Variants in TFEB observed in about 807,000 individuals in gnomAD.
TFEB encodes transcription factor EB, also known as T-cell transcription factor EB.
A neutral mutation model predicts 48.0 loss-of-function variants in TFEB; 12 were observed. The ratio of observed to expected loss-of-function variants is 0.25; its 90% CI spans 0.16 to 0.40. TFEB has a LOEUF of 0.40. Ranked by LOEUF, TFEB falls within the 10% of genes least tolerant of loss-of-function variation. The pLI, the probability that TFEB is intolerant of heterozygous loss-of-function variation, is 1.00. For synonymous variants in TFEB, 244 were observed against 261.4 expected, an observed-to-expected ratio of 0.93 and a Z score of 0.64; for missense variants, 509 against 640.3, an observed-to-expected ratio of 0.79 and a Z score of 2.21.
At chr6:41,728,239 C>T (rs1414421377) in intron 1 of TFEB, among the ~76,000 whole-genome samples, 4 of 152,230 alleles carry the variant, frequency 2.6e-5, no homozygotes, top group African/African-American at 9.7e-5. Context: ...TTGTTCCCAC[C>T]CGCCCTGCTT....
intron 1 of TFEB, among the ~76,000 whole-genome samples, chr6:41,713,075 A>G (rs1356165308): frequency 6.6e-6 from 1 of 151,998 alleles, no homozygotes; most frequent in African/African-American, 2.4e-5. Context: ...GGGGGCCAGG[A>G]GAAGGAGCAA....
chr6:41,695,126 C>A (rs1561854922), intron 1 of TFEB, among the ~76,000 whole-genome samples: 1 of 152,248 alleles, frequency 6.6e-6, no homozygotes, highest in Non-Finnish European at 1.5e-5. Context: ...GCTACTTCAC[C>A]TCTCTGTGCT....
intron 1 of TFEB, among the ~76,000 whole-genome samples, chr6:41,700,922 C>A (rs1326941357): frequency 6.6e-6 from 1 of 152,232 alleles, no homozygotes; most frequent in Non-Finnish European, 1.5e-5. Flanking sequence ...GGGAGTCGCC[C>A]TGTCCTGTCC....
At chr6:41,728,366 C>A (rs1012673918) in intron 1 of TFEB, among the ~76,000 whole-genome samples, 1 of 152,150 alleles carries the variant, frequency 6.6e-6, no homozygotes, top group African/African-American at 2.4e-5. Context: ...ATGGGGGCAG[C>A]GCCAGCTGCC....
intron 7 of TFEB, chr6:41,686,504 CTTTCT>C (rs1183043049): frequency 2.7e-4 from 71 of 267,170 alleles, no homozygotes; most frequent in African/African-American, 1.6e-3. Context: ...CCCAGCCTAC[CTTTCT>C]TTTTTTTTTT....
At chr6:41,707,494 G>A (rs1033876009) in intron 1 of TFEB, among the ~76,000 whole-genome samples, 1 of 152,148 alleles carries the variant, frequency 6.6e-6, no homozygotes, top group African/African-American at 2.4e-5. Flanking sequence ...CACGTCTCCA[G>A]GGGAAGCACA....
intron 1 of TFEB, among the ~76,000 whole-genome samples, chr6:41,714,316 C>G (rs534994135): frequency 6.6e-6 from 1 of 152,320 alleles, no homozygotes; most frequent in East Asian, 1.9e-4. Flanking sequence ...AACCAAAGGG[C>G]CTTCGGAACC....
rs916290291 is a variant in TFEB at position 41,684,290 on chromosome 6, A to T, written c.*309T>A. On this transcript the variant is annotated 3_prime_UTR_variant, in exon 9 of 9. Transcript: ENST00000373033. ...AGGGGCTCGGGCTCAGAAGACAGGG[A>T]ATCTCCACCAGGCCCTCTTCTCACC... The T allele has an allele frequency of 3.3e-6, 1 of 298,946 alleles. No individual in the cohort carries two copies. The highest frequency in any genetic ancestry group is 6.2e-6 in the Non-Finnish European group (1 of 162,222). The allele number at this position is 298,946 out of a possible 1,614,324, so 18.5% of individuals were successfully genotyped here.
At chr6:41,711,359 G>A (rs796650508) in intron 1 of TFEB, among the ~76,000 whole-genome samples, 7 of 152,308 alleles carry the variant, frequency 4.6e-5, no homozygotes, top group South Asian at 4.1e-4. Flanking sequence ...TGGGCTCAAC[G>A]TCCCCACCGC....
chr6:41,732,837 C>A, intron 1 of TFEB: 5 of 985,920 alleles, frequency 5.1e-6, no homozygotes, highest in Non-Finnish European at 6.0e-6. Context: ...GGAGGCCAAC[C>A]CAATTTCCAT....
chr6:41,717,961 C>T (rs767163258), intron 1 of TFEB, among the ~76,000 whole-genome samples: 11 of 152,116 alleles, frequency 7.2e-5, no homozygotes, highest in Non-Finnish European at 1.3e-4. Flanking sequence ...ATCATGACCA[C>T]ATATTGGAGA....
intron 1 of TFEB, among the ~76,000 whole-genome samples, chr6:41,700,109 G>T (rs536472616): frequency 1.3e-5 from 2 of 152,196 alleles, no homozygotes; most frequent in African/African-American, 2.4e-5. Context: ...AAATGGAACC[G>T]CTCTGCCAAG....
At chr6:41,698,662 G>A (rs1049982701) in intron 1 of TFEB, among the ~76,000 whole-genome samples, 1 of 152,198 alleles carries the variant, frequency 6.6e-6, no homozygotes, top group Non-Finnish European at 1.5e-5. Context: ...ACTCTCAGTC[G>A]TGGGGGAGCT....
intron 8 of TFEB, among the ~76,000 whole-genome samples, chr6:41,685,848 G>A (rs529992411): frequency 1.2e-4 from 18 of 152,340 alleles, no homozygotes; most frequent in African/African-American, 4.1e-4. Flanking sequence ...AGAGAGCTGG[G>A]TGCCAGCAGC....
intron 7 of TFEB, 106 bp downstream of exon 7, chr6:41,686,988 G>A: frequency 7.6e-6 from 7 of 925,254 alleles, no homozygotes; most frequent in Non-Finnish European, 1.1e-5. Context: ...CTTCTAGAAG[G>A]AATTCTCCTC....
At position 41,684,555 on chromosome 6, in the gene TFEB, G is replaced by A. The variant is rs553728050; in HGVS notation, c.*44C>T. Reference sequence around the variant, plus strand: ...GAGGGAGGTGCCCCTGGCCCTCCCAGCCCCCAGGCCGGCCCCTGTTCCCTG... The same window carrying A: ...GAGGGAGGTGCCCCTGGCCCTCCCAACCCCCAGGCCGGCCCCTGTTCCCTG... On this transcript the variant is annotated 3_prime_UTR_variant, in exon 9 of 9. Coordinates refer to ENST00000373033, the MANE Select transcript of TFEB (RefSeq NM_001271944.2). The A allele has an allele frequency of 2.0e-6, 3 of 1,504,258 alleles. No homozygotes were observed. Among genetic ancestry groups the A allele is most frequent in the African/African-American group, 1.4e-5 (1 of 71,064 alleles). 93.2% of individuals were successfully genotyped at this position (1,504,258 alleles called of 1,614,324 possible).
chr6:41,687,297 A>G (rs1480380861), intron 6 of TFEB, 128 bp from the exon 7 acceptor site: 5 of 810,142 alleles, frequency 6.2e-6, no homozygotes, highest in Non-Finnish European at 1.0e-5. Context: ...TCTTCCAGGA[A>G]GTAAGAGGTG....
In TFEB at chr6:41,691,151, C is replaced by T. The variant is rs1015149; in HGVS notation, c.63G>A (p.Gln21=). The change falls in exon 2 of 9, where the codon CAG becomes CAA. Residue 21 remains glutamine (Q), a synonymous_variant. Coordinates refer to ENST00000373033, the MANE Select transcript of TFEB (RefSeq NM_001271944.2). The surrounding 1 kb of genome is among the most constrained non-coding windows in gnomAD (Gnocchi z 5.2). ...CAGCCTGTTGCTGCATGCGCTCCCG[C>T]TGCTCCTCCTGCTGCGCCTGCTCCC... ...LMREQAQQEE[Q]RERMQQQAVM... 0.46 allele frequency: 736,746 copies of T among 1,588,822 alleles called. 172,358 individuals carry two copies. Among genetic ancestry groups the T allele is most frequent in the African/African-American group, 0.55 (40,995 of 74,496 alleles).
upstream of TFEB, among the ~76,000 whole-genome samples, chr6:41,735,824 C>T (rs1308924607): frequency 6.6e-6 from 1 of 152,234 alleles, no homozygotes; most frequent in East Asian, 1.9e-4. Flanking sequence ...TCTTTCTCCT[C>T]TCAGTAAAGT....
Sources: gnomAD v4.1 joint callset for allele counts (sites outside exome capture counted in the v4.1 genomes callset) on GRCh38, gnomAD v4.1.1 for gene constraint, Gnocchi (gnomAD v3.1) non-coding constraint, MANE v1.5 for transcripts, NCBI Gene and HGNC (gene_info 2026-07-23, HGNC 2026-07-21) for gene names.